HDAC8: variants seen among roughly 807,000 people sequenced by gnomAD.
The protein encoded by HDAC8 is histone deacetylase 8, also known as histone deacetylase-like 1.
HDAC8 carries 1 observed loss-of-function variant against 32.2 expected under a neutral mutation model. The ratio of observed to expected loss-of-function variants is 0.03; its 90% CI spans 0.01 to 0.15. The LOEUF is 0.15. Among genes scored for constraint, HDAC8 ranks in the 10% least tolerant of loss-of-function variants. The pLI is 1.00. For missense variants in HDAC8, 117 were observed against 300.0 expected (o/e 0.39, Z 4.51); for synonymous variants, 108 against 113.9 (o/e 0.95, Z 0.33).
At chrX:72,412,278 A>T (rs1555970477) in intron 9 of HDAC8, among the ~76,000 whole-genome samples, 1 of 112,176 alleles carries the variant, frequency 8.9e-6, no homozygotes, top group African/African-American at 3.2e-5. Flanking sequence ...GTCACTCACT[A>T]TTTGGGAGAC....
intron 9 of HDAC8, among the ~76,000 whole-genome samples, chrX:72,405,459 C>T (rs1198748789): frequency 1.8e-5 from 2 of 112,366 alleles, no homozygotes; most frequent in East Asian, 5.6e-4. Flanking sequence ...GAATGATTTA[C>T]ATTCCTTTGG....
intron 9 of HDAC8, among the ~76,000 whole-genome samples, chrX:72,401,393 C>T (rs782280627): frequency 1.2e-4 from 13 of 111,386 alleles, no homozygotes; most frequent in South Asian, 3.9e-4. Flanking sequence ...CACCACCATG[C>T]CCAGCTAATT....
At chrX:72,363,845 A>G (rs1194537590) in intron 9 of HDAC8, among the ~76,000 whole-genome samples, 1 of 112,306 alleles carries the variant, frequency 8.9e-6, no homozygotes, top group Non-Finnish European at 1.9e-5. Flanking sequence ...AAGTGCTGGG[A>G]TTACAGGCAT....
intron 9 of HDAC8, among the ~76,000 whole-genome samples, chrX:72,359,788 C>T (rs183865123): frequency 3.9e-3 from 436 of 111,117 alleles, no homozygotes; most frequent in Non-Finnish European, 6.9e-3. Flanking sequence ...AGCGTGGTGG[C>T]TCTCTCCTGT....
At chrX:72,528,439 A>G (rs1241586030) in intron 4 of HDAC8, among the ~76,000 whole-genome samples, 3 of 112,069 alleles carry the variant, frequency 2.7e-5, no homozygotes, top group African/African-American at 9.8e-5. Flanking sequence ...GTTTTAGCTC[A>G]ATGAATTTTG....
intron 4 of HDAC8, among the ~76,000 whole-genome samples, chrX:72,553,072 T>A (rs1255087896): frequency 2.7e-5 from 3 of 110,954 alleles, no homozygotes; most frequent in African/African-American, 9.9e-5. Context: ...TGAGATGGCA[T>A]CTCCCTCTGT....
intron 9 of HDAC8, among the ~76,000 whole-genome samples, chrX:72,454,681 A>T (rs985304055): frequency 8.9e-6 from 1 of 112,429 alleles, no homozygotes; most frequent in East Asian, 2.8e-4. Flanking sequence ...GATGAACTCA[A>T]ATAGCCAAGA....
intron 10 of HDAC8, among the ~76,000 whole-genome samples, chrX:72,343,720 G>C (rs1352650435): frequency 5.4e-5 from 6 of 111,531 alleles, no homozygotes; most frequent in African/African-American, 2.0e-4. Context: ...TGTCCAGGCT[G>C]GTCTCAAACT....
intron 9 of HDAC8, among the ~76,000 whole-genome samples, chrX:72,367,605 G>C (rs2044740529): frequency 1.8e-5 from 2 of 112,529 alleles, no homozygotes; most frequent in Non-Finnish European, 3.8e-5. Context: ...CAACAGATTA[G>C]CAAAGGCATA....
intron 10 of HDAC8, among the ~76,000 whole-genome samples, chrX:72,349,003 C>A (rs1205544606): frequency 1.8e-5 from 2 of 112,551 alleles, no homozygotes; most frequent in Non-Finnish European, 3.8e-5. Flanking sequence ...ATTTGTATAT[C>A]TCCAGTGACA....
At chrX:72,427,909 T>G (rs1447555400) in intron 9 of HDAC8, among the ~76,000 whole-genome samples, 3 of 111,889 alleles carry the variant, frequency 2.7e-5, no homozygotes, top group Non-Finnish European at 5.6e-5. Flanking sequence ...TTGTGAGGTT[T>G]GTAATATCTT....
chrX:72,552,778 G>GAA (rs34669637), intron 4 of HDAC8, among the ~76,000 whole-genome samples: 2 of 87,308 alleles, frequency 2.3e-5, no homozygotes, highest in Non-Finnish European at 4.5e-5. Context: ...TCTTGTCTTA[G>GAA]AAAAAAAAAA....
intron 9 of HDAC8, among the ~76,000 whole-genome samples, chrX:72,390,126 G>A (rs1419112458): frequency 9.0e-6 from 1 of 111,080 alleles, no homozygotes; most frequent in Admixed American, 9.6e-5. Context: ...TCACATTAGG[G>A]TAAATGGGGT....
intron 4 of HDAC8, among the ~76,000 whole-genome samples, chrX:72,497,665 G>T (rs782769117): frequency 9.0e-6 from 1 of 111,371 alleles, no homozygotes; most frequent in African/African-American, 3.2e-5. Context: ...AAGTGTTTAC[G>T]ATTATAAAAA....
At chrX:72,446,215 G>T (rs2047389518) in intron 9 of HDAC8, among the ~76,000 whole-genome samples, 1 of 112,100 alleles carries the variant, frequency 8.9e-6, no homozygotes, top group Admixed American at 9.4e-5. Context: ...AAATCATGCT[G>T]CTATAAAGAC....
chrX:72,460,896 A>G (rs1436574151), intron 9 of HDAC8, among the ~76,000 whole-genome samples: 2 of 112,114 alleles, frequency 1.8e-5, no homozygotes, highest in Non-Finnish European at 3.8e-5. Context: ...AAACCAAGAA[A>G]AGAGACTTCT....
intron 4 of HDAC8, among the ~76,000 whole-genome samples, chrX:72,537,992 T>A (rs1419235740): frequency 9.0e-6 from 1 of 111,162 alleles, no homozygotes; most frequent in East Asian, 2.8e-4. Context: ...GTAGTATCAG[T>A]TGTATAAGAA....
chrX:72,385,454 C>T (rs182552029), intron 9 of HDAC8, among the ~76,000 whole-genome samples: 13 of 110,120 alleles, frequency 1.2e-4, no homozygotes, highest in African/African-American at 4.3e-4. Flanking sequence ...CAGAGTAAGA[C>T]CTCATCTCAA....
At chrX:72,336,632 G>T (rs782663622) in intron 10 of HDAC8, among the ~76,000 whole-genome samples, 1 of 111,054 alleles carries the variant, frequency 9.0e-6, no homozygotes, top group African/African-American at 3.3e-5. Context: ...TGCCCAAGCT[G>T]GTTTTGAACT....
Sources: gnomAD v4.1 joint callset for allele counts (sites outside exome capture counted in the v4.1 genomes callset) on GRCh38, gnomAD v4.1.1 for gene constraint, MANE v1.5 for transcripts, NCBI Gene and HGNC (gene_info 2026-07-23, HGNC 2026-07-21) for gene names.